AATK: variants seen among roughly 807,000 people sequenced by gnomAD.
The protein encoded by AATK is lemur tail kinase 1.
Under a neutral mutation model 114.3 loss-of-function variants are expected in AATK, and 91 were observed. That is an observed-to-expected ratio of 0.80 (90% CI 0.67 to 0.95). The LOEUF is 0.95. Among genes scored for constraint, AATK ranks in the 40% least tolerant of loss-of-function variants. AATK has a pLI of 0.00. For synonymous variants in AATK, 1,075 were observed against 916.5 expected, an observed-to-expected ratio of 1.17 and a Z score of -3.12; for missense variants, 2,176 against 1,965.2, an observed-to-expected ratio of 1.11 and a Z score of -2.03.
intron 2 of AATK, chr17:81,133,166 C>CA: frequency 2.1e-6 from 1 of 469,448 alleles, no homozygotes. Flanking sequence ...CTTTGCCCCC[C>CA]AGGCACGCAG....
intron 1 of AATK, among the ~76,000 whole-genome samples, chr17:81,138,675 ACACC>A (rs1035912251): frequency 2.6e-5 from 4 of 151,216 alleles, no homozygotes; most frequent in South Asian, 2.1e-4. Context: ...CCATACATGC[ACACC>A]CACCCACACA....
chr17:81,155,345 G>A (rs1208571913), intron 1 of AATK, among the ~76,000 whole-genome samples: 2 of 151,922 alleles, frequency 1.3e-5, no homozygotes, highest in Non-Finnish European at 2.9e-5. Context: ...ATAGTAGCAC[G>A]GCTTCATATG....
chr17:81,140,970 G>A, intron 1 of AATK, among the ~76,000 whole-genome samples: 1 of 148,342 alleles, frequency 6.7e-6, no homozygotes, highest in African/African-American at 2.5e-5. Context: ...TGAGCCGTGG[G>A]GCCGTGGGGA....
intron 5 of AATK, 54 bp from the exon 6 acceptor site, chr17:81,127,724 C>T (rs536781825): frequency 9.2e-5 from 133 of 1,438,448 alleles, no homozygotes; most frequent in African/African-American, 8.9e-4. Flanking sequence ...GAGGGGGAGT[C>T]GGGCCGAGCA....
chr17:81,128,929 G>A, intron 3 of AATK: 1 of 1,115,990 alleles, frequency 9.0e-7, no homozygotes. Context: ...GGGCACTGGA[G>A]CGGCCCACCC....
chr17:81,123,143 G>A, intron 10 of AATK, 51 bp downstream of exon 10: 1 of 1,389,944 alleles, frequency 7.2e-7, no homozygotes, highest in Non-Finnish European at 9.3e-7. Context: ...CTGGGGATCA[G>A]GATACCCCAT....
At chr17:81,119,788 C>T (rs890717109) in intron 12 of AATK, 148 bp downstream of exon 12, 17 of 1,296,010 alleles carry the variant, frequency 1.3e-5, no homozygotes, top group South Asian at 4.9e-5. Flanking sequence ...ACCCGCCTCC[C>T]ATGACGACAC....
intron 1 of AATK, among the ~76,000 whole-genome samples, chr17:81,155,472 C>T (rs947175024): frequency 1.3e-5 from 2 of 152,048 alleles, no homozygotes; most frequent in African/African-American, 2.4e-5. Flanking sequence ...CTGCAACCTC[C>T]GCCTCCCGGA....
At chr17:81,146,854 G>A (rs370081870) in intron 1 of AATK, among the ~76,000 whole-genome samples, 29 of 151,136 alleles carry the variant, frequency 1.9e-4, no homozygotes, top group African/African-American at 6.3e-4. Context: ...AATCAGAACC[G>A]GCTGCCCAGG....
chr17:81,118,552 T>TCCCTGCAGCAG, intron 13 of AATK, 110 bp from the exon 14 acceptor site: 1 of 1,131,716 alleles, frequency 8.8e-7, no homozygotes, highest in East Asian at 2.6e-5. Context: ...CCGGGCCCCT[T>TCCCTGCAGCAG]CCCTGCAGCA....
intron 1 of AATK, among the ~76,000 whole-genome samples, chr17:81,158,937 C>T (rs527609506): frequency 2.0e-4 from 30 of 152,166 alleles, no homozygotes; most frequent in Non-Finnish European, 4.0e-4. Context: ...TCCCTGGGGC[C>T]GCTATACACA....
At chr17:81,142,258 C>CT (rs897410344) in intron 1 of AATK, among the ~76,000 whole-genome samples, 140 of 149,704 alleles carry the variant, frequency 9.4e-4, no homozygotes, top group African/African-American at 3.1e-3. Flanking sequence ...CAGGCCCGCT[C>CT]TTTTTTTTCT....
chr17:81,146,722 ACAAAT>A (rs2061225554), intron 1 of AATK, among the ~76,000 whole-genome samples: 2 of 152,232 alleles, frequency 1.3e-5, no homozygotes, highest in Admixed American at 6.5e-5. Context: ...CTGTCTCAAA[ACAAAT>A]AACAACAAAA....
intron 1 of AATK, among the ~76,000 whole-genome samples, chr17:81,163,303 C>T (rs2061446697): frequency 6.6e-6 from 1 of 152,168 alleles, no homozygotes; most frequent in Non-Finnish European, 1.5e-5. Flanking sequence ...GCAACAAGGC[C>T]AGCCCCCTCC....
chr17:81,139,150 C>T (rs1251548475), intron 1 of AATK, among the ~76,000 whole-genome samples: 1 of 152,244 alleles, frequency 6.6e-6, no homozygotes, highest in East Asian at 1.9e-4. Context: ...TCATCATCCT[C>T]ACTTTACAAG....
chr17:81,119,337 G>GCCTCCCGCGTGCCCTA (rs1555689567), intron 13 of AATK, 43 bp downstream of exon 13: 12 of 1,115,522 alleles, frequency 1.1e-5, no homozygotes, highest in Middle Eastern at 3.1e-4. Context: ...TCCGTGCCCT[G>GCCTCCCGCGTGCCCTA]CCTCCCGCGT....
intron 1 of AATK, among the ~76,000 whole-genome samples, chr17:81,142,266 T>A (rs1320565282): frequency 6.7e-6 from 1 of 149,958 alleles, no homozygotes; most frequent in Admixed American, 6.7e-5. Context: ...CTCTTTTTTT[T>A]CTTTTTTCTT....
chr17:81,131,165 A>T lies in AATK; in HGVS notation c.230T>A (p.Leu77Gln). The change falls in exon 3 of 14, where the codon CTG becomes CAG. Residue 77 changes from leucine (L) to glutamine (Q), a missense_variant. By Grantham distance (113) the Leu-to-Gln change is moderately radical. Transcript: ENST00000326724. ...NAEGDEYAADLAQGSPATAAQ... is the reference protein window; with the variant it reads ...NAEGDEYAADQAQGSPATAAQ... ...TGCCGTGGCCGGGGAGCCCTGCGCCAGGTCGGCTGCGTACTCGTCCCCCTC... is the reference window on the plus strand; with the variant it reads ...TGCCGTGGCCGGGGAGCCCTGCGCCTGGTCGGCTGCGTACTCGTCCCCCTC... The T allele has an allele frequency of 6.3e-7, 1 of 1,579,826 alleles. No individual in the cohort carries two copies. The highest frequency in any genetic ancestry group is 8.6e-7 in the Non-Finnish European group (1 of 1,164,520).
chr17:81,148,255 ATC>A (rs1317756766), intron 1 of AATK, among the ~76,000 whole-genome samples: 1 of 152,172 alleles, frequency 6.6e-6, no homozygotes, highest in African/African-American at 2.4e-5. Flanking sequence ...CTCAAACCTG[ATC>A]CCATCACTGC....
Sources: allele counts gnomAD v4.1 joint callset (sites outside exome capture counted in the v4.1 genomes callset), GRCh38; gene constraint gnomAD v4.1.1; transcripts MANE v1.5; gene names NCBI Gene and HGNC (gene_info 2026-07-23, HGNC 2026-07-21).